The following ETS1 variants were observed in gnomAD, a reference collection of about 807,000 sequenced individuals.
ETS1 encodes the protein protein C-ets-1.
In ETS1, 15 loss-of-function variants were observed where a neutral mutation model predicts 58.6. The ratio of observed to expected loss-of-function variants is 0.26; its 90% CI spans 0.17 to 0.39. The LOEUF (loss-of-function observed/expected upper bound fraction) is 0.39, where lower values mean the gene tolerates loss of function less well. Among genes scored for constraint, ETS1 ranks in the 10% least tolerant of loss-of-function variants. ETS1 has a pLI of 1.00. For missense variants in ETS1, 417 were observed against 610.5 expected (o/e 0.68, Z 3.34); for synonymous variants, 214 against 218.2 (o/e 0.98, Z 0.17).
At chr11:128,552,551 T>G (rs1864247327) in intron 3 of ETS1, among the ~76,000 whole-genome samples, 1 of 152,236 alleles carries the variant, frequency 6.6e-6, no homozygotes, top group South Asian at 2.1e-4. Flanking sequence ...TCCATAAGTT[T>G]GGCTGATTTC....
chr11:128,483,476 A>G (rs1244147682), intron 7 of ETS1, among the ~76,000 whole-genome samples: 1 of 152,198 alleles, frequency 6.6e-6, no homozygotes, highest in African/African-American at 2.4e-5. Flanking sequence ...TAAAAAAGAA[A>G]CACATGTACA....
chr11:128,523,027 C>T (rs934229201), intron 3 of ETS1, among the ~76,000 whole-genome samples: 1 of 152,218 alleles, frequency 6.6e-6, no homozygotes, highest in South Asian at 2.1e-4. Flanking sequence ...TTCCAATTTA[C>T]CTCCAGCAGT....
At chr11:128,514,247 CA>C (rs939028434) in intron 3 of ETS1, among the ~76,000 whole-genome samples, 58 of 144,086 alleles carry the variant, frequency 4.0e-4, no homozygotes, top group Middle Eastern at 3.5e-3. Flanking sequence ...GAAAAGTAAC[CA>C]AAAAAAAAAA....
At chr11:128,567,618 T>C (rs1328316918) in intron 2 of ETS1, among the ~76,000 whole-genome samples, 1 of 140,472 alleles carries the variant, frequency 7.1e-6, no homozygotes, top group African/African-American at 3.1e-5. Context: ...TGGGTTTTGT[T>C]TTTGTTTTTG....
At chr11:128,524,458 A>C (rs1863761948) in intron 3 of ETS1, among the ~76,000 whole-genome samples, 1 of 152,242 alleles carries the variant, frequency 6.6e-6, no homozygotes, top group Non-Finnish European at 1.5e-5. Flanking sequence ...TATTTATGCC[A>C]TCAGAAGTTA....
chr11:128,558,649 CAAAAAAAAA>C (rs201114905), intron 2 of ETS1, among the ~76,000 whole-genome samples: 6 of 103,436 alleles, frequency 5.8e-5, no homozygotes, highest in South Asian at 3.5e-4. Flanking sequence ...ATATCCATCC[CAAAAAAAAA>C]AAAAAAAAAA....
At chr11:128,511,213 AG>A (rs1395699164) in intron 3 of ETS1, among the ~76,000 whole-genome samples, 3 of 152,194 alleles carry the variant, frequency 2.0e-5, no homozygotes, top group African/African-American at 7.2e-5. Context: ...CTTTACTAAA[AG>A]GGGTAAACTG....
At chr11:128,493,133 G>A (rs1862847580) in intron 3 of ETS1, among the ~76,000 whole-genome samples, 1 of 152,212 alleles carries the variant, frequency 6.6e-6, no homozygotes. Context: ...CAGTGGTTCT[G>A]CTGTAGCGGG....
rs1428579363 is a variant in ETS1 at position 128,480,196 on chromosome 11, T to C, written c.1118A>G (p.Tyr373Cys). ...AGCAGCGGGAGGGCGCCTACCTGTG[T>C]AGCCAGCTAGGGCAGCAGCAGGAAT... ...PVIPAAALAG[Y>C]TGSGPIQLWQ... The change falls in exon 8 of 10, where the codon TAC becomes TGC. Residue 373 changes from tyrosine to cysteine, a missense_variant. Physicochemically the swap from Tyr to Cys is radical, Grantham distance 194. Around this residue, in one of 4 missense-constraint regions of ETS1, gnomAD observed 56 missense variants for 156.1 expected, o/e 0.36. Coordinates refer to ENST00000392668, the MANE Select transcript of ETS1 (RefSeq NM_001143820.2). 1 of 1,613,858 alleles carries C rather than the reference T, an allele frequency of 6.2e-7. No homozygotes were observed. The highest frequency in any genetic ancestry group is 8.5e-7 in the Non-Finnish European group (1 of 1,179,946).
intron 3 of ETS1, chr11:128,527,170 G>A (rs1162437750): frequency 6.0e-6 from 2 of 333,984 alleles, no homozygotes; most frequent in Non-Finnish European, 1.2e-5. Context: ...TACATTGCAG[G>A]ATAACCACAC....
At chr11:128,510,916 T>A (rs1378203343) in intron 3 of ETS1, among the ~76,000 whole-genome samples, 1 of 152,162 alleles carries the variant, frequency 6.6e-6, no homozygotes, top group Non-Finnish European at 1.5e-5. Flanking sequence ...GGGGCTTACG[T>A]TTTTTGGTAA....
chr11:128,569,427 T>C (rs1295462816), intron 2 of ETS1, among the ~76,000 whole-genome samples: 1 of 146,910 alleles, frequency 6.8e-6, no homozygotes, highest in East Asian at 2.1e-4. Flanking sequence ...GGTTGAGCTC[T>C]GGACAGGGAG....
intron 3 of ETS1, chr11:128,522,217 T>G: frequency 8.2e-7 from 1 of 1,226,054 alleles, no homozygotes; most frequent in Non-Finnish European, 1.0e-6. Context: ...CGCGCTCGGG[T>G]CCCAGCCTCG....
Position 128,462,153 on chromosome 11 carries a change from C to T in ETS1, c.*208G>A. ...CTCCTGAAAATTTGCTCAAGAATTT[C>T]TGGTCCCACCCACCCCACAAGTCCT... On this transcript the variant is annotated 3_prime_UTR_variant, in exon 10 of 10. Coordinates refer to ENST00000392668, the MANE Select transcript of ETS1 (RefSeq NM_001143820.2). The T allele has an allele frequency of 1.9e-6, 1 of 524,864 alleles. No individual in the cohort carries two copies. Among genetic ancestry groups the T allele is most frequent in the Non-Finnish European group, 3.4e-6 (1 of 294,290 alleles). The allele number at this position is 524,864 out of a possible 1,614,324, so 32.5% of individuals were successfully genotyped here. A position where few individuals can be genotyped will look rare whatever the true frequency, so the allele number is the denominator to read the frequency against.
chr11:128,475,595 T>C (rs1862301252), intron 8 of ETS1, among the ~76,000 whole-genome samples: 2 of 147,816 alleles, frequency 1.4e-5, no homozygotes, highest in South Asian at 4.4e-4. Context: ...TCTCGCTCTG[T>C]CACCCAGGCT....
chr11:128,556,831 A>G (rs950596904), intron 2 of ETS1, among the ~76,000 whole-genome samples: 1 of 152,184 alleles, frequency 6.6e-6, no homozygotes, highest in African/African-American at 2.4e-5. Flanking sequence ...CTTACTCCAC[A>G]ATCATACAAC....
chr11:128,503,399 T>A (rs909854054), intron 3 of ETS1, among the ~76,000 whole-genome samples: 7 of 152,174 alleles, frequency 4.6e-5, no homozygotes, highest in Non-Finnish European at 7.3e-5. Flanking sequence ...ATGCTCTTCA[T>A]CAACTTCATA....
intron 3 of ETS1, among the ~76,000 whole-genome samples, chr11:128,521,450 T>G (rs1404382130): frequency 6.6e-6 from 1 of 152,098 alleles, no homozygotes; most frequent in African/African-American, 2.4e-5. Flanking sequence ...AAGACCTTAT[T>G]TGAAAATCTG....
chr11:128,513,937 A>G (rs770271172), intron 3 of ETS1, among the ~76,000 whole-genome samples: 5 of 152,228 alleles, frequency 3.3e-5, no homozygotes, highest in Non-Finnish European at 7.3e-5. Context: ...TATTCTGAAC[A>G]TGAATGATAC....
Sources: allele counts gnomAD v4.1 joint callset (sites outside exome capture counted in the v4.1 genomes callset), GRCh38; gene constraint gnomAD v4.1.1; regional missense constraint gnomAD v4.1.1; transcripts MANE v1.5; gene names NCBI Gene and HGNC (gene_info 2026-07-23, HGNC 2026-07-21).